Variants in OVCH1 observed in about 807,000 individuals in gnomAD.
The protein encoded by OVCH1 is ovochymase-1.
OVCH1 carries 139 observed loss-of-function variants against 138.4 expected under a neutral mutation model. That is an observed-to-expected ratio of 1.00 (90% confidence interval 0.87 to 1.16). The LOEUF (loss-of-function observed/expected upper bound fraction) is 1.16, where lower values mean the gene tolerates loss of function less well. Among genes scored for constraint, OVCH1 ranks in the 50% most tolerant of loss-of-function variants. OVCH1 has a pLI of 0.00. For missense variants in OVCH1, 1,367 were observed against 1,357.9 expected, an observed-to-expected ratio of 1.01 and a Z score of -0.11; for synonymous variants, 453 against 467.8, an observed-to-expected ratio of 0.97 and a Z score of 0.41.
intron 22 of OVCH1, among the ~76,000 whole-genome samples, chr12:29,449,338 C>T (rs186829349): frequency 1.5e-4 from 22 of 151,096 alleles, no homozygotes; most frequent in South Asian, 8.4e-4. Context: ...TAAGTATATT[C>T]GCTTTCTCAA....
intron 12 of OVCH1, among the ~76,000 whole-genome samples, chr12:29,476,719 C>T (rs896012043): frequency 1.3e-5 from 2 of 150,314 alleles, no homozygotes; most frequent in African/African-American, 4.9e-5. Context: ...TTTTCAGTGA[C>T]CAAGGCATTG....
Position 29,452,930 on chromosome 12 carries a change from C to T in OVCH1, c.2531-1361G>A, listed in dbSNP as rs541517554. On this transcript the variant is annotated intron_variant, in intron 21 of 27. Transcript: ENST00000318184. ...TATATAAAACTTTCAAAGTTTTTGG[C>T]GTGCATAACCATTTCTGAACATATT... is the stretch of plus-strand genomic sequence containing the variant. Among the ~76,000 whole-genome samples, 8 of 152,230 alleles carry T rather than the reference C, an allele frequency of 5.3e-5. No individual in the cohort carries two copies. In the East Asian group the frequency reaches 5.8e-4, roughly 11 times the overall value.
At chr12:29,409,637 C>G (rs1414247811), downstream of OVCH1, among the ~76,000 whole-genome samples, 3 of 152,092 alleles carry the variant, frequency 2.0e-5, no homozygotes, top group Non-Finnish European at 4.4e-5. Context: ...TTTCTTAATC[C>G]TGAGTTCTAG....
intron 25 of OVCH1, among the ~76,000 whole-genome samples, chr12:29,441,064 G>C (rs1941472395): frequency 6.6e-6 from 1 of 152,126 alleles, no homozygotes. Context: ...GTCTTAGAAA[G>C]ATTTGAGATA....
chr12:29,462,968 G>C (rs993056080), intron 18 of OVCH1, among the ~76,000 whole-genome samples: 2 of 152,176 alleles, frequency 1.3e-5, no homozygotes. Flanking sequence ...TAGCTGGAAA[G>C]AATGAATTCG....
intron 22 of OVCH1, among the ~76,000 whole-genome samples, chr12:29,445,965 A>G (rs1311504822): frequency 1.3e-5 from 2 of 152,100 alleles, no homozygotes; most frequent in Non-Finnish European, 2.9e-5. Context: ...ATTCAGTATC[A>G]TTTTTTAACA....
intron 3 of OVCH1, among the ~76,000 whole-genome samples, chr12:29,414,007 CCT>C (rs200379417): frequency 2.9e-5 from 3 of 104,226 alleles, no homozygotes; most frequent in South Asian, 3.2e-4. Flanking sequence ...TGGCTTTTCT[CCT>C]CTCTCTCTCT....
rs1016880415 is a variant in OVCH1, at chr12:29,464,800, T to G, written c.1930-98A>C. 6 of 1,062,106 alleles carry G rather than the reference T, an allele frequency of 5.6e-6. No individual in the cohort carries two copies. The African/African-American group carries it at 9.6e-5, about 17-fold the overall frequency. 65.8% of individuals were successfully genotyped at this position (1,062,106 alleles called of 1,614,324 possible). ...CCAAAATAATCCTAAATTTCTGCAC[T>G]TACATACATAAACAATGCAGAAGAC... On this transcript the variant is annotated intron_variant, in intron 17 of 27. Coordinates refer to ENST00000318184, the Ensembl canonical transcript of OVCH1.
intron 22 of OVCH1, among the ~76,000 whole-genome samples, chr12:29,450,094 A>T (rs113287532): frequency 0.095 from 14,449 of 152,108 alleles, 727 homozygotes; most frequent in African/African-American, 0.13. Flanking sequence ...TACCATTCAG[A>T]ACATAGGCAT....
chr12:29,478,478 T>C (rs900495777), intron 9 of OVCH1, among the ~76,000 whole-genome samples: 1 of 152,142 alleles, frequency 6.6e-6, no homozygotes, highest in Non-Finnish European at 1.5e-5. Flanking sequence ...TTGCATTCAA[T>C]ACTGTTAGTG....
intron 25 of OVCH1, among the ~76,000 whole-genome samples, chr12:29,439,631 A>G (rs1250407054): frequency 1.3e-5 from 2 of 152,138 alleles, no homozygotes; most frequent in African/African-American, 2.4e-5. Flanking sequence ...TTACAATTCA[A>G]TTCCATTCTG....
chr12:29,496,876 T>C (rs1359020521), intron 1 of OVCH1, among the ~76,000 whole-genome samples: 2 of 152,192 alleles, frequency 1.3e-5, no homozygotes, highest in Non-Finnish European at 2.9e-5. Context: ...TCCTGTCTGC[T>C]CCCTTTCAGC....
At chr12:29,427,061 A>G (rs77448459), downstream of OVCH1, among the ~76,000 whole-genome samples, 3 of 152,286 alleles carry the variant, frequency 2.0e-5, no homozygotes, top group Non-Finnish European at 2.9e-5. Flanking sequence ...ATGACCTCCT[A>G]TTGAACTGGA....
At chr12:29,448,448 T>A (rs560224537) in intron 22 of OVCH1, among the ~76,000 whole-genome samples, 1 of 151,874 alleles carries the variant, frequency 6.6e-6, no homozygotes, top group Non-Finnish European at 1.5e-5. Context: ...AAGGTGACAT[T>A]CCATCAAGAA....
chr12:29,455,106 C>G, intron 20 of OVCH1, 143 bp downstream of exon 20: 1 of 1,170,328 alleles, frequency 8.5e-7, no homozygotes, highest in Non-Finnish European at 1.2e-6. Flanking sequence ...TTTGCAGAAT[C>G]TTGCATTTTA....
chr12:29,484,236 T>C (rs1943023581), intron 8 of OVCH1, among the ~76,000 whole-genome samples: 1 of 152,200 alleles, frequency 6.6e-6, no homozygotes, highest in African/African-American at 2.4e-5. Flanking sequence ...ACATGAACTA[T>C]TTTCCATCTT....
chr12:29,494,410 G>A (rs992375524), intron 4 of OVCH1, among the ~76,000 whole-genome samples: 1 of 152,162 alleles, frequency 6.6e-6, no homozygotes, highest in East Asian at 1.9e-4. Flanking sequence ...TTGAGAGAGT[G>A]TTGGAGATCT....
intron 16 of OVCH1, among the ~76,000 whole-genome samples, chr12:29,466,782 A>G (rs1324412458): frequency 6.6e-6 from 1 of 152,178 alleles, no homozygotes; most frequent in African/African-American, 2.4e-5. Context: ...CAAGATCTCC[A>G]GCTGAAAAAG....
intron 27 of OVCH1, chr12:29,427,665 T>G: frequency 6.5e-7 from 1 of 1,548,544 alleles, no homozygotes; most frequent in South Asian, 1.2e-5. Context: ...AATAAATATT[T>G]GTTGTTTGGA....
Sources: gnomAD v4.1 joint callset for allele counts (sites outside exome capture counted in the v4.1 genomes callset) on GRCh38, gnomAD v4.1.1 for gene constraint, MANE v1.5 for transcripts, NCBI Gene and HGNC (gene_info 2026-07-23, HGNC 2026-07-21) for gene names.